The following GRIA1 variants were observed in gnomAD, a reference collection of about 807,000 sequenced individuals.
GRIA1 encodes glutamate receptor 1.
A neutral mutation model predicts 99.2 loss-of-function variants in GRIA1; 31 were observed. The ratio of observed to expected loss-of-function variants is 0.31; its 90% CI spans 0.23 to 0.42. The LOEUF (loss-of-function observed/expected upper bound fraction) is 0.42, where lower values mean the gene tolerates loss of function less well. GRIA1 is among the 10% of genes least tolerant of loss of function. GRIA1 has a pLI of 1.00. For missense variants in GRIA1, 782 were observed against 1,157.5 expected, an observed-to-expected ratio of 0.68 and a Z score of 4.71; for synonymous variants, 438 against 432.4, an observed-to-expected ratio of 1.01 and a Z score of -0.16.
intron 13 of GRIA1, among the ~76,000 whole-genome samples, chr5:153,779,605 G>A (rs1366610854): frequency 1.3e-5 from 2 of 152,092 alleles, no homozygotes; most frequent in African/African-American, 4.8e-5. Context: ...TTTTTGCCCA[G>A]GCTAGAGTGC....
chr5:153,788,173 G>T (rs1765088183), intron 13 of GRIA1, among the ~76,000 whole-genome samples: 1 of 151,748 alleles, frequency 6.6e-6, no homozygotes, highest in Non-Finnish European at 1.5e-5. Context: ...CTCCACAAAT[G>T]GTCCCTCAGT....
intron 13 of GRIA1, among the ~76,000 whole-genome samples, chr5:153,774,892 A>G (rs188120115): frequency 2.0e-5 from 3 of 152,288 alleles, no homozygotes; most frequent in Admixed American, 6.5e-5. Flanking sequence ...TGCTCTGGAA[A>G]CAAATACTCT....
rs563698269 is a variant in GRIA1, at chr5:153,492,329, G to A, written c.82+1359G>A. The stretch of plus-strand genomic sequence containing the variant: ...GAAGTGTGTACGTATCTGTGTGTTA[G>A]TGCCTAACACGCAAAACTTCCTGCC... On this transcript the variant is annotated intron_variant, in intron 1 of 15. Transcript: ENST00000285900. 1.4e-5 allele frequency: 21 copies of A among 1,520,466 alleles called. No homozygotes were observed. The East Asian group carries it at 4.4e-4, about 32-fold the overall frequency. The allele number at this position is 1,520,466 out of a possible 1,614,324, so 94.2% of individuals were successfully genotyped here.
chr5:153,709,476 A>G (rs1759156687), intron 11 of GRIA1, among the ~76,000 whole-genome samples: 1 of 152,236 alleles, frequency 6.6e-6, no homozygotes, highest in African/African-American at 2.4e-5. Flanking sequence ...AAATGTGGCT[A>G]AGTGTAATTG....
rs549509965 is a variant in GRIA1, at chr5:153,643,582, T to TCC, written c.221-3345_221-3344dup. On this transcript the variant is annotated intron_variant, in intron 2 of 15. Transcript: ENST00000285900. ...TCTGTCTCTCTCTCTTTCTTTTACT[T>TCC]CCTCTCTCTCTGCTGTTGCTTAAGT... Among the ~76,000 whole-genome samples, 129 of 152,320 alleles carry TCC rather than the reference T, an allele frequency of 8.5e-4. No homozygotes were observed. The South Asian group carries it at 0.011, about 13-fold the overall frequency.
Position 153,811,084 on chromosome 5 carries a change from C to A in GRIA1, c.2580C>A (p.Pro860=). Residue 860 remains proline, a synonymous_variant, in exon 16 of 16, where the codon CCC becomes CCA. Transcript: ENST00000285900. ...INEAIRTSTL[P]RNSGAGASSG... ...AAGCCATACGGACATCGACCCTCCC[C>A]CGCAACAGCGGGGCAGGAGCCAGCA... 1 of 1,614,152 alleles carries A rather than the reference C, an allele frequency of 6.2e-7. No individual in the cohort carries two copies. Among genetic ancestry groups the A allele is most frequent in the Non-Finnish European group, 8.5e-7 (1 of 1,179,998 alleles).
intron 3 of GRIA1, among the ~76,000 whole-genome samples, chr5:153,649,561 A>C (rs1387153297): frequency 6.6e-6 from 1 of 152,056 alleles, no homozygotes; most frequent in Non-Finnish European, 1.5e-5. Flanking sequence ...AGGTTCAAGC[A>C]ATTCTCCTGC....
At chr5:153,567,700 T>A (rs767070506) in intron 2 of GRIA1, among the ~76,000 whole-genome samples, 1 of 152,154 alleles carries the variant, frequency 6.6e-6, no homozygotes, top group Non-Finnish European at 1.5e-5. Context: ...GTCCACCTTA[T>A]GGGAAGCAGT....
chr5:153,744,107 G>A (rs957793393), intron 11 of GRIA1, among the ~76,000 whole-genome samples: 10 of 152,200 alleles, frequency 6.6e-5, no homozygotes, highest in South Asian at 2.1e-4. Flanking sequence ...GCCCAGAGCC[G>A]GCTGTGTCTC....
intron 2 of GRIA1, among the ~76,000 whole-genome samples, chr5:153,578,919 A>G (rs1005873150): frequency 2.6e-5 from 4 of 152,076 alleles, no homozygotes; most frequent in African/African-American, 9.7e-5. Context: ...AAAATAAATA[A>G]ATAAATAAAT....
intron 2 of GRIA1, among the ~76,000 whole-genome samples, chr5:153,639,158 C>G (rs1268675250): frequency 2.6e-5 from 4 of 152,224 alleles, no homozygotes; most frequent in African/African-American, 9.6e-5. Context: ...CCTCCATTGT[C>G]TCTCATCCAT....
intron 2 of GRIA1, among the ~76,000 whole-genome samples, chr5:153,589,992 C>A (rs1005679342): frequency 6.6e-6 from 1 of 152,046 alleles, no homozygotes; most frequent in African/African-American, 2.4e-5. Flanking sequence ...ACCATTGTTT[C>A]TAACATTAAA....
In GRIA1 at chr5:153,686,212, T is replaced by C; in HGVS notation, c.1030-13T>C. On this transcript the variant is annotated splice_polypyrimidine_tract_variant and intron_variant, in intron 7 of 15. Transcript: ENST00000285900. ...TCTGAGTTCACTGCCCACCACTTGG[T>C]TTTGTTTTCCAGGTGCGATTTGAAG... 7.5e-6 allele frequency: 12 copies of C among 1,605,854 alleles called. No individual in the cohort carries two copies. Among genetic ancestry groups the C allele is most frequent in the South Asian group, 1.1e-5 (1 of 90,878 alleles).
intron 2 of GRIA1, among the ~76,000 whole-genome samples, chr5:153,645,973 C>G (rs899009678): frequency 3.3e-5 from 5 of 152,134 alleles, no homozygotes; most frequent in Admixed American, 1.3e-4. Flanking sequence ...TGAAGATGGC[C>G]TTGGGGTTGG....
chr5:153,638,787 C>T (rs372928021), intron 2 of GRIA1, among the ~76,000 whole-genome samples: 38 of 152,312 alleles, frequency 2.5e-4, no homozygotes, highest in African/African-American at 7.2e-4. Flanking sequence ...ATTGATAAGA[C>T]GCACACATTT....
intron 2 of GRIA1, among the ~76,000 whole-genome samples, chr5:153,522,614 G>A (rs1757251580): frequency 6.6e-6 from 1 of 152,128 alleles, no homozygotes; most frequent in East Asian, 1.9e-4. Flanking sequence ...TGCTTCCTTA[G>A]GGACCCAAGC....
At position 153,802,356 on chromosome 5, in the gene GRIA1, G is replaced by A; in HGVS notation, c.2386G>A (p.Asp796Asn). The A allele has an allele frequency of 6.2e-7, 1 of 1,613,584 alleles. No individual in the cohort carries two copies. Among genetic ancestry groups the A allele is most frequent in the Non-Finnish European group, 8.5e-7 (1 of 1,179,828 alleles). Residue 796 changes from aspartate (D) to asparagine (N), a missense_variant and splice_region_variant, in exon 15 of 16, where the codon GAC (aspartate) becomes AAC (asparagine). Coordinates refer to ENST00000285900, the MANE Select transcript of GRIA1 (RefSeq NM_000827.4). ...TTCCTTTCCCTCCTCCTCTTCTTAG[G>A]ACAAGACAAGCGCTCTGAGCCTCAG... ...ECGSGGGDSK[D>N]KTSALSLSNV...
At chr5:153,713,975 G>A (rs890156033) in intron 11 of GRIA1, among the ~76,000 whole-genome samples, 9 of 152,154 alleles carry the variant, frequency 5.9e-5, no homozygotes, top group Non-Finnish European at 7.4e-5. Flanking sequence ...AGAGAGAAGA[G>A]GCAGGCAATA....
At chr5:153,730,163 T>C (rs1185087995) in intron 11 of GRIA1, among the ~76,000 whole-genome samples, 3 of 152,094 alleles carry the variant, frequency 2.0e-5, no homozygotes, top group East Asian at 3.9e-4. Context: ...AAAATGCAGA[T>C]TCTAGTTCCA....
Sources: allele counts gnomAD v4.1 joint callset (sites outside exome capture counted in the v4.1 genomes callset), GRCh38; gene constraint gnomAD v4.1.1; transcripts MANE v1.5; gene names NCBI Gene and HGNC (gene_info 2026-07-23, HGNC 2026-07-21).